TSPAN15: variants seen among roughly 807,000 people sequenced by gnomAD.
TSPAN15 encodes the protein tetraspanin-15.
TSPAN15 carries 20 observed loss-of-function variants against 34.5 expected under a neutral mutation model. The ratio of observed to expected loss-of-function variants is 0.58; its 90% CI spans 0.41 to 0.84. TSPAN15 has a LOEUF of 0.84. Among genes scored for constraint, TSPAN15 ranks in the 40% least tolerant of loss-of-function variants. The pLI is 0.00. For missense variants in TSPAN15, 313 were observed against 386.1 expected (o/e 0.81, Z 1.59); for synonymous variants, 155 against 153.9 (o/e 1.01, Z -0.05).
At chr10:69,487,293 A>G (rs78644489) in intron 3 of TSPAN15, among the ~76,000 whole-genome samples, 1,689 of 152,170 alleles carry the variant, frequency 0.011, 25 homozygotes, top group African/African-American at 0.033. Flanking sequence ...GGAGGCACAC[A>G]GGAGTTAAGA....
chr10:69,527,779 G>A, the TSPAN15 span, among the ~76,000 whole-genome samples: 1 of 147,584 alleles, frequency 6.8e-6, no homozygotes, highest in African/African-American at 2.5e-5. Context: ...GAAATGTGTA[G>A]CATAAGAGTT....
chr10:69,492,637 A>AGGAGGCGGGATGGTTTGG lies in TSPAN15; in HGVS notation c.358-2932_358-2915dup, dbSNP rs200684602. On this transcript the variant is annotated intron_variant, in intron 3 of 7. Coordinates refer to ENST00000373290, the MANE Select transcript of TSPAN15 (RefSeq NM_012339.5). ...GAAGCCCGAGCCTTGGAAAGTGCCC[A>AGGAGGCGGGATGGTTTGG]GGAGGCGGGATGGTTTGGGGAGGCG... Among the ~76,000 whole-genome samples the AGGAGGCGGGATGGTTTGG allele has an allele frequency of 4.4e-4, 67 of 152,268 alleles. No homozygotes were observed. In the East Asian group the frequency reaches 0.012, roughly 26 times the overall value.
chr10:69,502,876 A>G (rs1842239490), intron 5 of TSPAN15, among the ~76,000 whole-genome samples: 1 of 152,106 alleles, frequency 6.6e-6, no homozygotes, highest in Admixed American at 6.5e-5. Context: ...CATGCAGCTT[A>G]CCTATTTGTT....
chr10:69,539,536 AAGGAGAAGGAGAAGGAGAAGG>A, the TSPAN15 span, among the ~76,000 whole-genome samples: 369 of 71,422 alleles, frequency 5.2e-3, 29 homozygotes, highest in South Asian at 0.013. Context: ...GAAGAAGAAG[AAGGAGAAGGAGAAGGAGAAGG>A]AGAAGGAGAA....
At chr10:69,459,515 C>A (rs1356948530) in intron 1 of TSPAN15, among the ~76,000 whole-genome samples, 1 of 150,890 alleles carries the variant, frequency 6.6e-6, no homozygotes, top group Non-Finnish European at 1.5e-5. Context: ...AGAGAAGGAG[C>A]CAGCCATAAA....
At chr10:69,525,849 A>C in the TSPAN15 span, among the ~76,000 whole-genome samples, 1 of 144,530 alleles carries the variant, frequency 6.9e-6, no homozygotes, top group South Asian at 2.2e-4. Context: ...TCAACCTAAG[A>C]TAAAGAAACA....
intron 1 of TSPAN15, among the ~76,000 whole-genome samples, chr10:69,481,444 C>T (rs1056484441): frequency 6.6e-6 from 1 of 152,240 alleles, no homozygotes; most frequent in Admixed American, 6.5e-5. Flanking sequence ...TGTGTTTCTG[C>T]ATAAGCTCTG....
chr10:69,489,315 T>G (rs1019217139), intron 3 of TSPAN15, among the ~76,000 whole-genome samples: 1 of 152,240 alleles, frequency 6.6e-6, no homozygotes, highest in Non-Finnish European at 1.5e-5. Flanking sequence ...TCTGTTCTTT[T>G]TCAAGGTGCA....
At chr10:69,548,349 G>A in the TSPAN15 span, among the ~76,000 whole-genome samples, 1 of 152,240 alleles carries the variant, frequency 6.6e-6, no homozygotes, top group Non-Finnish European at 1.5e-5. Context: ...TGCATAGGCA[G>A]AACATTTCCT....
At chr10:69,471,553 C>CTT (rs1291978576) in intron 1 of TSPAN15, among the ~76,000 whole-genome samples, 3 of 151,858 alleles carry the variant, frequency 2.0e-5, no homozygotes, top group African/African-American at 7.3e-5. Context: ...TTCTTTCTTT[C>CTT]TCTCTCACTC....
chr10:69,511,691 C>T (rs576269071), downstream of TSPAN15, among the ~76,000 whole-genome samples: 56 of 152,190 alleles, frequency 3.7e-4, no homozygotes, highest in Non-Finnish European at 7.2e-4. Context: ...ATCTTTCCCA[C>T]TTTCTCTTGT....
chr10:69,498,956 A>G (rs1842146349), intron 5 of TSPAN15, among the ~76,000 whole-genome samples: 2 of 152,118 alleles, frequency 1.3e-5, no homozygotes, highest in Non-Finnish European at 2.9e-5. Context: ...GGGCATCTCC[A>G]TTGGTCTTTG....
chr10:69,458,648 C>T (rs1474158719), intron 1 of TSPAN15, among the ~76,000 whole-genome samples: 1 of 152,062 alleles, frequency 6.6e-6, no homozygotes, highest in Non-Finnish European at 1.5e-5. Flanking sequence ...GGGCTCAGGC[C>T]TCGGGCACAG....
the TSPAN15 span, among the ~76,000 whole-genome samples, chr10:69,513,550 C>G: frequency 6.6e-6 from 1 of 152,186 alleles, no homozygotes. Flanking sequence ...TTCCAAAAAG[C>G]AGGAGTTTTT....
the TSPAN15 span, among the ~76,000 whole-genome samples, chr10:69,518,765 A>T: frequency 4.6e-5 from 7 of 152,286 alleles, no homozygotes; most frequent in East Asian, 1.2e-3. Flanking sequence ...AGTAAAATTA[A>T]CAATGTGCAA....
At chr10:69,539,431 AGAAGAAGAAG>A in the TSPAN15 span, among the ~76,000 whole-genome samples, 3 of 136,414 alleles carry the variant, frequency 2.2e-5, no homozygotes, top group South Asian at 7.1e-4. Flanking sequence ...AGAAGAAAGA[AGAAGAAGAAG>A]GAAGAAGAAG....
At chr10:69,503,119 C>T (rs1355193564) in intron 5 of TSPAN15, among the ~76,000 whole-genome samples, 1 of 152,194 alleles carries the variant, frequency 6.6e-6, no homozygotes. Context: ...TGTTTATGGC[C>T]TGGAAGGGCC....
At chr10:69,539,523 G>GAAGAAGAAGAAGAAA in the TSPAN15 span, among the ~76,000 whole-genome samples, 1 of 115,530 alleles carries the variant, frequency 8.7e-6, no homozygotes, top group East Asian at 2.3e-4. Flanking sequence ...AGAAGAAGAA[G>GAAGAAGAAGAAGAAA]AAGAAGAAGA....
chr10:69,532,951 G>A, the TSPAN15 span, among the ~76,000 whole-genome samples: 1 of 152,106 alleles, frequency 6.6e-6, no homozygotes, highest in African/African-American at 2.4e-5. Flanking sequence ...AACAATCAGG[G>A]AAAAGCAAAT....
Sources: gnomAD v4.1 joint callset for allele counts (sites outside exome capture counted in the v4.1 genomes callset) on GRCh38, gnomAD v4.1.1 for gene constraint, MANE v1.5 for transcripts, NCBI Gene and HGNC (gene_info 2026-07-23, HGNC 2026-07-21) for gene names.